The following KDM4C variants were observed in gnomAD, a reference collection of about 807,000 sequenced individuals.
KDM4C encodes the protein lysine-specific demethylase 4C.
A neutral mutation model predicts 129.3 loss-of-function variants in KDM4C; 81 were observed. The ratio of observed to expected loss-of-function variants is 0.63; its 90% confidence interval spans 0.52 to 0.75. KDM4C has a LOEUF of 0.75. KDM4C is among the 30% of genes least tolerant of loss of function. The pLI is 0.00. For synonymous variants in KDM4C, 573 were observed against 456.1 expected (o/e 1.26, Z -3.26); for missense variants, 1,457 against 1,304.0 (o/e 1.12, Z -1.81).
At chr9:6,868,974 A>T (rs1463382357) in intron 5 of KDM4C, among the ~76,000 whole-genome samples, 1 of 152,194 alleles carries the variant, frequency 6.6e-6, no homozygotes, top group Non-Finnish European at 1.5e-5. Flanking sequence ...ATTTCTTGAA[A>T]GTCAAGTTTT....
intron 8 of KDM4C, among the ~76,000 whole-genome samples, chr9:6,933,389 G>C (rs952880500): frequency 3.3e-5 from 5 of 152,254 alleles, no homozygotes; most frequent in Admixed American, 3.3e-4. Context: ...GCACTGCTTG[G>C]TGAGGGGGCA....
At chr9:6,955,477 G>C (rs1016089630) in intron 8 of KDM4C, among the ~76,000 whole-genome samples, 2 of 152,164 alleles carry the variant, frequency 1.3e-5, no homozygotes, top group Non-Finnish European at 2.9e-5. Flanking sequence ...TCCAAGAGCA[G>C]AGAAGGATGC....
At chr9:7,169,338 A>T (rs1360786894) in intron 20 of KDM4C, among the ~76,000 whole-genome samples, 1 of 151,888 alleles carries the variant, frequency 6.6e-6, no homozygotes, top group Non-Finnish European at 1.5e-5. Flanking sequence ...TAGTTTATTT[A>T]TTTATTTTTT....
chr9:7,099,226 A>G (rs1467940404), intron 17 of KDM4C, among the ~76,000 whole-genome samples: 2 of 152,248 alleles, frequency 1.3e-5, no homozygotes, highest in African/African-American at 4.8e-5. Context: ...CTAGCAAAAC[A>G]AAACAATAAA....
intron 8 of KDM4C, among the ~76,000 whole-genome samples, chr9:6,919,289 T>C (rs1267435222): frequency 1.3e-4 from 19 of 150,236 alleles, no homozygotes; most frequent in South Asian, 2.1e-4. Context: ...CTCTCTCTCT[T>C]TCTTTCTTTC....
chr9:6,984,106 A>T, intron 9 of KDM4C, 60 bp from the exon 10 acceptor site: 1 of 999,888 alleles, frequency 1.0e-6, no homozygotes, highest in Non-Finnish European at 1.5e-6. Context: ...TTATATTGGG[A>T]TGTGTTTTTC....
chr9:6,859,301 C>T (rs1205639366), intron 5 of KDM4C, among the ~76,000 whole-genome samples: 1 of 151,702 alleles, frequency 6.6e-6, no homozygotes, highest in East Asian at 1.9e-4. Flanking sequence ...CGTGGTGAAA[C>T]CCTGTCTCTG....
chr9:7,013,737 A>T, intron 13 of KDM4C, 51 bp from the exon 14 acceptor site: 2 of 1,551,226 alleles, frequency 1.3e-6, no homozygotes, highest in Non-Finnish European at 8.8e-7. Context: ...GACTAGAATG[A>T]TGAGCTCTTT....
intron 17 of KDM4C, among the ~76,000 whole-genome samples, chr9:7,093,156 G>T (rs1248282092): frequency 6.6e-6 from 1 of 152,038 alleles, no homozygotes; most frequent in Non-Finnish European, 1.5e-5. Flanking sequence ...AAGAAAATGT[G>T]CATGTTTGAA....
intron 15 of KDM4C, among the ~76,000 whole-genome samples, chr9:7,024,575 C>T (rs1160519729): frequency 1.3e-5 from 2 of 150,868 alleles, no homozygotes; most frequent in African/African-American, 4.9e-5. Flanking sequence ...TGAGTGAGAA[C>T]ATGTGGTGTT....
intron 17 of KDM4C, among the ~76,000 whole-genome samples, chr9:7,061,352 C>G (rs1302903944): frequency 6.6e-6 from 1 of 152,224 alleles, no homozygotes; most frequent in Admixed American, 6.5e-5. Context: ...CCGGAATCTT[C>G]TGTCCCGTTA....
At position 7,170,377 on chromosome 9, in the gene KDM4C, A is replaced by G. The variant is rs199937681; in HGVS notation, c.2994+487A>G. On this transcript the variant is annotated intron_variant, in intron 21 of 21. Transcript: ENST00000381309. ...GTTTGTGTCAGTTCATCATTAAGCTAAACTCTGACTTTCATAATAAAAGGG... is the reference window on the plus strand; with the variant it reads ...GTTTGTGTCAGTTCATCATTAAGCTGAACTCTGACTTTCATAATAAAAGGG... 7.0e-6 allele frequency: 7 copies of G among 1,002,336 alleles called. No individual in the cohort carries two copies. The East Asian group carries it at 5.3e-4, about 76-fold the overall frequency. The allele number at this position is 1,002,336 out of a possible 1,614,324, so 62.1% of individuals were successfully genotyped here.
chr9:7,095,974 C>T (rs1195929548), intron 17 of KDM4C, among the ~76,000 whole-genome samples: 4 of 152,150 alleles, frequency 2.6e-5, no homozygotes, highest in African/African-American at 9.7e-5. Context: ...AATGCAAATA[C>T]AGAAGTACTT....
chr9:6,885,629 A>G (rs1357372488), intron 6 of KDM4C, among the ~76,000 whole-genome samples: 6 of 152,136 alleles, frequency 3.9e-5, no homozygotes, highest in African/African-American at 1.4e-4. Flanking sequence ...ACAAAAAAAA[A>G]AAAAAGGCAG....
At chr9:6,966,585 T>C (rs1043556011) in intron 8 of KDM4C, among the ~76,000 whole-genome samples, 2 of 152,246 alleles carry the variant, frequency 1.3e-5, no homozygotes, top group African/African-American at 4.8e-5. Flanking sequence ...GATATGATTG[T>C]TTATGAAGAA....
At chr9:6,721,779 T>G (rs1381735431) in intron 1 of KDM4C, among the ~76,000 whole-genome samples, 6 of 151,232 alleles carry the variant, frequency 4.0e-5, no homozygotes, top group African/African-American at 1.5e-4. Context: ...TAGTAGAGAC[T>G]GGGTTTCATC....
chr9:6,783,390 TTATTGTCTC>T (rs2130785700), intron 1 of KDM4C, among the ~76,000 whole-genome samples: 1 of 152,314 alleles, frequency 6.6e-6, no homozygotes, highest in South Asian at 2.1e-4. Flanking sequence ...TTTAGATTCA[TTATTGTCTC>T]TATACAGCTT....
chr9:7,014,198 A>G lies in KDM4C; in HGVS notation c.2182+197A>G, dbSNP rs554361964. The G allele has an allele frequency of 1.5e-4, 82 of 531,258 alleles. No homozygotes were observed. In the Middle Eastern group the frequency reaches 1.8e-3, roughly 12 times the overall value. The allele number at this position is 531,258 out of a possible 1,614,324, so 32.9% of individuals were successfully genotyped here. On this transcript the variant is annotated intron_variant, in intron 14 of 21. Transcript: ENST00000381309. ...CCTTTTTTCACCACTTTCATGTAGTATCCGTGGAGAGCAGGTCTGGTTTTT... is the reference window on the plus strand; with the variant it reads ...CCTTTTTTCACCACTTTCATGTAGTGTCCGTGGAGAGCAGGTCTGGTTTTT...
chr9:7,018,386 A>T (rs534899462), intron 15 of KDM4C, among the ~76,000 whole-genome samples: 2 of 152,242 alleles, frequency 1.3e-5, no homozygotes, highest in Non-Finnish European at 2.9e-5. Context: ...TGTGATTATT[A>T]TGTTAATAAA....
Sources: gnomAD v4.1 joint callset for allele counts (sites outside exome capture counted in the v4.1 genomes callset) on GRCh38, gnomAD v4.1.1 for gene constraint, MANE v1.5 for transcripts, NCBI Gene and HGNC (gene_info 2026-07-23, HGNC 2026-07-21) for gene names.